Variants in ZFP64 observed in about 807,000 individuals in gnomAD.
ZFP64 encodes zinc finger protein 64.
In ZFP64, 14 loss-of-function variants were observed where a neutral mutation model predicts 51.6. The ratio of observed to expected loss-of-function variants is 0.27; its 90% CI spans 0.18 to 0.42. ZFP64 has a LOEUF of 0.42. Among genes scored for constraint, ZFP64 ranks in the 10% least tolerant of loss-of-function variants. ZFP64 has a pLI of 1.00. For missense variants in ZFP64, 754 were observed against 906.8 expected (o/e 0.83, Z 2.16); for synonymous variants, 375 against 361.4 (o/e 1.04, Z -0.43).
intron 1 of ZFP64, among the ~76,000 whole-genome samples, chr20:52,188,738 C>A (rs887555603): frequency 2.0e-4 from 30 of 151,926 alleles, no homozygotes; most frequent in African/African-American, 7.2e-4. Flanking sequence ...TCAATAAAGA[C>A]ATAGCGGGTA....
intron 2 of ZFP64, chr20:52,175,858 GCTGCC>G: frequency 7.5e-6 from 1 of 133,456 alleles, no homozygotes; most frequent in Non-Finnish European, 1.1e-5. Flanking sequence ...CCGCACCCCC[GCTGCC>G]GCCCCCGCCC....
chr20:52,186,304 A>G (rs1168987504), intron 2 of ZFP64, among the ~76,000 whole-genome samples: 1 of 152,108 alleles, frequency 6.6e-6, no homozygotes, highest in Non-Finnish European at 1.5e-5. Context: ...GCACATTTAA[A>G]TTTTTGACCC....
intron 5 of ZFP64, among the ~76,000 whole-genome samples, chr20:52,125,307 T>C (rs1052751494): frequency 1.3e-5 from 2 of 152,144 alleles, no homozygotes; most frequent in Non-Finnish European, 2.9e-5. Flanking sequence ...AGATCATTGA[T>C]GGGAGGAGTG....
intron 5 of ZFP64, chr20:52,098,724 C>T: frequency 8.5e-7 from 1 of 1,180,010 alleles, no homozygotes; most frequent in South Asian, 1.5e-5. Context: ...AGCCATGTGA[C>T]CAGGCGGGGT....
intron 5 of ZFP64, chr20:52,110,331 A>G (rs1313826183): frequency 6.1e-6 from 3 of 495,184 alleles, no homozygotes; most frequent in Non-Finnish European, 1.1e-5. Flanking sequence ...CTGGAAAACC[A>G]TAGAGAGCCT....
chr20:52,188,610 C>G (rs1360897776), intron 1 of ZFP64, among the ~76,000 whole-genome samples: 3 of 151,666 alleles, frequency 2.0e-5, no homozygotes, highest in African/African-American at 7.3e-5. Context: ...AGCCACCGCA[C>G]CCGGCCGACA....
intron 5 of ZFP64, among the ~76,000 whole-genome samples, chr20:52,110,095 G>C (rs1273326237): frequency 1.3e-5 from 2 of 152,032 alleles, no homozygotes; most frequent in Non-Finnish European, 2.9e-5. Flanking sequence ...CTTCTCTATA[G>C]CACCAATTCC....
chr20:52,140,171 C>G (rs116432551), intron 5 of ZFP64, among the ~76,000 whole-genome samples: 2 of 152,068 alleles, frequency 1.3e-5, no homozygotes, highest in African/African-American at 4.8e-5. Context: ...ATTTGAGCTT[C>G]CCTATTCCCT....
downstream of ZFP64, among the ~76,000 whole-genome samples, chr20:52,146,709 C>T (rs568867253): frequency 2.0e-5 from 3 of 152,214 alleles, no homozygotes; most frequent in East Asian, 5.8e-4. Flanking sequence ...TGCACATGTA[C>T]CCTAAAACTT....
intron 5 of ZFP64, among the ~76,000 whole-genome samples, chr20:52,117,015 T>C (rs1978908819): frequency 2.6e-5 from 4 of 151,938 alleles, no homozygotes; most frequent in Non-Finnish European, 5.9e-5. Flanking sequence ...GAGGTTGCAG[T>C]GAGCCGAGAT....
intron 2 of ZFP64, among the ~76,000 whole-genome samples, chr20:52,184,146 C>T (rs771915276): frequency 1.3e-5 from 2 of 152,102 alleles, no homozygotes; most frequent in Non-Finnish European, 2.9e-5. Context: ...GCGCCTGGCC[C>T]TGACGTCTGA....
At chr20:52,119,373 G>A (rs969783799) in intron 5 of ZFP64, among the ~76,000 whole-genome samples, 11 of 151,188 alleles carry the variant, frequency 7.3e-5, no homozygotes, top group East Asian at 5.9e-4. Context: ...AAAATTAGCC[G>A]GGCGTGGTGG....
At chr20:52,176,763 C>G (rs904106505) in intron 2 of ZFP64, among the ~76,000 whole-genome samples, 1 of 152,096 alleles carries the variant, frequency 6.6e-6, no homozygotes, top group Non-Finnish European at 1.5e-5. Flanking sequence ...CCCGCCTCGG[C>G]CTCCCAAAGT....
At chr20:52,104,006 C>G (rs78531507) in intron 5 of ZFP64, among the ~76,000 whole-genome samples, 5,481 of 152,282 alleles carry the variant, frequency 0.036, 353 homozygotes, top group African/African-American at 0.13. Flanking sequence ...TGAGCCGCCC[C>G]GGAGAGGGGA....
chr20:52,159,978 AAC>A, intron 5 of ZFP64, 143 bp downstream of exon 5: 6 of 1,416,576 alleles, frequency 4.2e-6, no homozygotes, highest in Non-Finnish European at 5.7e-6. Flanking sequence ...AAACAACAAC[AAC>A]AAAAAAAAAC....
At chr20:52,170,192 C>T (rs141814737) in intron 2 of ZFP64, among the ~76,000 whole-genome samples, 1,694 of 152,218 alleles carry the variant, frequency 0.011, 36 homozygotes, top group Admixed American at 0.042. Flanking sequence ...TGGCTCATGC[C>T]TGTAATCCCA....
rs1196244892 is a variant in ZFP64, at chr20:52,153,931, G to T, written c.764-503C>A. 1.3e-5 allele frequency among the ~76,000 whole-genome samples: 2 copies of T among 152,156 alleles called. No homozygotes were observed. The highest frequency in any genetic ancestry group is 2.9e-5 in the Non-Finnish European group (2 of 68,038). On this transcript the variant is annotated intron_variant, in intron 5 of 5. Coordinates refer to ENST00000216923, the MANE Select transcript of ZFP64 (RefSeq NM_018197.3). The surrounding 1 kb of genome is among the most constrained non-coding windows in gnomAD (Gnocchi z 5.1). ...AAACACCCAGCTTATATTTCATGCA[G>T]ATCTTTATTAATAAAGATGTGTTTC...
At chr20:52,189,632 G>A (rs1373125328) in intron 1 of ZFP64, among the ~76,000 whole-genome samples, 4 of 151,510 alleles carry the variant, frequency 2.6e-5, no homozygotes, top group Non-Finnish European at 5.9e-5. Context: ...CCACCACCAC[G>A]CCAGGCTAAT....
chr20:52,177,857 C>T (rs932726370), intron 2 of ZFP64, among the ~76,000 whole-genome samples: 1 of 151,916 alleles, frequency 6.6e-6, no homozygotes, highest in Non-Finnish European at 1.5e-5. Context: ...ATGGTGAAAC[C>T]CCGTCACTAC....
Sources: allele counts gnomAD v4.1 joint callset (sites outside exome capture counted in the v4.1 genomes callset), GRCh38; gene constraint gnomAD v4.1.1; non-coding constraint Gnocchi (gnomAD v3.1); transcripts MANE v1.5; gene names NCBI Gene and HGNC (gene_info 2026-07-23, HGNC 2026-07-21).